GNAL: variants seen among roughly 807,000 people sequenced by gnomAD.
GNAL encodes G protein subunit alpha L.
GNAL carries 18 observed loss-of-function variants against 55.1 expected under a neutral mutation model. The observed-to-expected ratio is 0.33, with a 90% CI of 0.23 to 0.48. GNAL has a LOEUF of 0.48. Ranked by LOEUF, GNAL falls within the 20% of genes least tolerant of loss-of-function variation. The pLI, the probability that GNAL is intolerant of heterozygous loss-of-function variation, is 0.99. For missense variants in GNAL, 412 were observed against 614.1 expected (o/e 0.67, Z 3.48); for synonymous variants, 253 against 237.0 (o/e 1.07, Z -0.62).
chr18:11,819,924 A>T (rs964961391), intron 4 of GNAL, among the ~76,000 whole-genome samples: 13 of 152,154 alleles, frequency 8.5e-5, no homozygotes, highest in Non-Finnish European at 1.5e-5. Context: ...TTAATTTTAT[A>T]TGCACAGGGG....
At chr18:11,854,346 C>G (rs1172719446) in intron 5 of GNAL, 1 of 167,000 alleles carries the variant, frequency 6.0e-6, no homozygotes, top group African/African-American at 2.4e-5. Context: ...ATATTATTTT[C>G]AAAAGCACTA....
intron 11 of GNAL, among the ~76,000 whole-genome samples, chr18:11,880,541 C>T (rs2036654478): frequency 6.6e-6 from 1 of 152,166 alleles, no homozygotes. Flanking sequence ...CACCACTGCA[C>T]TCCAGCCTGG....
chr18:11,884,604 G>C lies in GNAL; in HGVS notation c.*3469G>C. ...GTGGGAGGTAGCACTTGGAGAGGGT[G>C]TAGTCTGTGGGCGTGATGCTACCCT... On this transcript the variant is annotated 3_prime_UTR_variant, in exon 12 of 12. Transcript: ENST00000334049. 1 of 1,613,782 alleles carries C rather than the reference G, an allele frequency of 6.2e-7. No individual in the cohort carries two copies. Among genetic ancestry groups the C allele is most frequent in the South Asian group, 1.1e-5 (1 of 91,086 alleles).
chr18:11,774,804 G>A (rs2033733458), intron 4 of GNAL, among the ~76,000 whole-genome samples: 1 of 152,146 alleles, frequency 6.6e-6, no homozygotes, highest in Non-Finnish European at 1.5e-5. Context: ...CTACAAGCTT[G>A]GTGTGGTCAC....
Position 11,868,297 on chromosome 18 carries a change from T to C in GNAL, c.911-246T>C, listed in dbSNP as rs1224704474. Among the ~76,000 whole-genome samples the C allele has an allele frequency of 6.7e-6, 1 of 148,748 alleles. No homozygotes were observed. The highest frequency in any genetic ancestry group is 1.5e-5 in the Non-Finnish European group (1 of 67,288). On this transcript the variant is annotated intron_variant, in intron 8 of 11. Transcript: ENST00000334049. This position sits in a 1 kb window ranked among gnomAD's most constrained non-coding sequence, Gnocchi z 4.0. ...CCTGGGAGACAAGAGTGAAACTCCATCTCAAAAAAAAAAAAGCACTTAAGC... is the reference window on the plus strand; with the variant it reads ...CCTGGGAGACAAGAGTGAAACTCCACCTCAAAAAAAAAAAAGCACTTAAGC...
At chr18:11,872,140 G>T in intron 9 of GNAL, 128 bp from the exon 10 acceptor site, 1 of 635,058 alleles carries the variant, frequency 1.6e-6, no homozygotes, top group East Asian at 2.9e-5. Flanking sequence ...CTGGTGTACT[G>T]AACTTTCTTG....
intron 5 of GNAL, chr18:11,833,719 G>A (rs2035439099): frequency 6.6e-6 from 1 of 152,202 alleles, no homozygotes; most frequent in African/African-American, 2.4e-5. Context: ...TGGCCTCTCT[G>A]CCCAGCACAT....
In GNAL at chr18:11,884,736, G is replaced by C. The variant is rs1209547715; in HGVS notation, c.*3601G>C. 7.4e-7 allele frequency: 1 copy of C among 1,347,248 alleles called. No homozygotes were observed. 83.5% of individuals were successfully genotyped at this position (1,347,248 alleles called of 1,614,324 possible). A position where few individuals can be genotyped will look rare whatever the true frequency, so the allele number is the denominator to read the frequency against. On this transcript the variant is annotated 3_prime_UTR_variant, in exon 12 of 12. Coordinates refer to ENST00000334049, the MANE Select transcript of GNAL (RefSeq NM_182978.4). Reference sequence around the variant, plus strand: ...GCCTTCTCAGGTCCCCCTCAGGTGAGGCAGGGAACGGGCCCTCCTCACCTG... The same window carrying C: ...GCCTTCTCAGGTCCCCCTCAGGTGACGCAGGGAACGGGCCCTCCTCACCTG...
chr18:11,764,896 A>C (rs908529281), intron 4 of GNAL, among the ~76,000 whole-genome samples: 1 of 152,368 alleles, frequency 6.6e-6, no homozygotes. Flanking sequence ...TAGACTGTAC[A>C]TACTGAAGAC....
chr18:11,786,436 CTTTTTTTTTTT>C (rs66803403), intron 4 of GNAL, among the ~76,000 whole-genome samples: 10 of 60,682 alleles, frequency 1.6e-4, no homozygotes, highest in East Asian at 1.1e-3. Context: ...CATACGTTTT[CTTTTTTTTTTT>C]TTTTTTTTTT....
intron 4 of GNAL, among the ~76,000 whole-genome samples, chr18:11,788,275 C>T (rs551377169): frequency 6.6e-6 from 1 of 152,256 alleles, no homozygotes; most frequent in South Asian, 2.1e-4. Context: ...TAATAGCTCC[C>T]CAAAGGCTTC....
intron 1 of GNAL, among the ~76,000 whole-genome samples, chr18:11,720,743 A>G (rs1003695489): frequency 2.0e-5 from 3 of 152,212 alleles, no homozygotes; most frequent in Admixed American, 6.5e-5. Flanking sequence ...ACTTTTGTCA[A>G]GTTGTGAAAA....
At chr18:11,822,873 C>T (rs1269404226) in intron 4 of GNAL, among the ~76,000 whole-genome samples, 29 of 137,170 alleles carry the variant, frequency 2.1e-4, no homozygotes, top group African/African-American at 7.0e-4. Context: ...CAGTCTTGGT[C>T]GTTTTTAATT....
rs1368519125 is a variant in GNAL at position 11,866,187 on chromosome 18, A to G, written c.852-981A>G. Among the ~76,000 whole-genome samples the G allele has an allele frequency of 2.7e-5, 4 of 150,198 alleles. 2 individuals carry two copies. Among genetic ancestry groups the G allele is most frequent in the African/African-American group, 1.0e-4 (4 of 39,524 alleles). Reference sequence around the variant, plus strand: ...GGCATAGTGGAATTACTAACAATGAAGCTGTATCTCACATCTGTGATTTTG... The same window carrying G: ...GGCATAGTGGAATTACTAACAATGAGGCTGTATCTCACATCTGTGATTTTG... On this transcript the variant is annotated intron_variant, in intron 7 of 11. Coordinates refer to ENST00000334049, the MANE Select transcript of GNAL (RefSeq NM_182978.4).
intron 5 of GNAL, among the ~76,000 whole-genome samples, chr18:11,840,626 C>T (rs1234948977): frequency 6.6e-6 from 1 of 152,136 alleles, no homozygotes; most frequent in African/African-American, 2.4e-5. Context: ...CCTCAGACTT[C>T]CCTTTGTTAC....
chr18:11,717,257 C>A (rs2143389026), intron 1 of GNAL, among the ~76,000 whole-genome samples: 1 of 152,310 alleles, frequency 6.6e-6, no homozygotes, highest in South Asian at 2.1e-4. Context: ...TGGCCCTGTT[C>A]CCCCGGCACC....
intron 1 of GNAL, among the ~76,000 whole-genome samples, chr18:11,739,501 C>T (rs979274281): frequency 4.6e-5 from 7 of 152,268 alleles, no homozygotes; most frequent in African/African-American, 1.4e-4. Context: ...GTGTCTGACC[C>T]GTCATCATCT....
At chr18:11,725,452 GT>G (rs2032191370) in intron 1 of GNAL, among the ~76,000 whole-genome samples, 1 of 152,176 alleles carries the variant, frequency 6.6e-6, no homozygotes, top group Non-Finnish European at 1.5e-5. Context: ...AATTTCTGTT[GT>G]TTAAGCCACC....
At chr18:11,733,993 GC>G (rs2032402892) in intron 1 of GNAL, among the ~76,000 whole-genome samples, 1 of 152,008 alleles carries the variant, frequency 6.6e-6, no homozygotes, top group African/African-American at 2.4e-5. Context: ...CCTGGAGGAG[GC>G]CCCCAGCCTC....
Sources: gnomAD v4.1 joint callset for allele counts (sites outside exome capture counted in the v4.1 genomes callset) on GRCh38, gnomAD v4.1.1 for gene constraint, Gnocchi (gnomAD v3.1) non-coding constraint, MANE v1.5 for transcripts, NCBI Gene and HGNC (gene_info 2026-07-23, HGNC 2026-07-21) for gene names.